Variants in LIPC observed in about 807,000 individuals in gnomAD.
The protein encoded by LIPC is hepatic triacylglycerol lipase.
A neutral mutation model predicts 50.7 loss-of-function variants in LIPC; 44 were observed. The ratio of observed to expected loss-of-function variants is 0.87; its 90% CI spans 0.68 to 1.11. The LOEUF (loss-of-function observed/expected upper bound fraction) is 1.11. Among genes scored for constraint, LIPC ranks in the 50% most tolerant of loss-of-function variants. The pLI is 0.00. For missense variants in LIPC, 697 were observed against 648.2 expected (o/e 1.08, Z -0.82); for synonymous variants, 271 against 256.4 (o/e 1.06, Z -0.54).
At position 58,563,485 on chromosome 15, in the gene LIPC, A is replaced by G; in HGVS notation, c.1170-20A>G. 1 of 1,595,344 alleles carries G rather than the reference A, an allele frequency of 6.3e-7. No homozygotes were observed. The highest frequency in any genetic ancestry group is 1.3e-5 in the African/African-American group (1 of 74,628). On this transcript the variant is annotated intron_variant, in intron 7 of 8. Transcript: ENST00000299022. ...GTTACGACTAAACTGATTGTGTCTGATTTTCTTTGTGTATTCAAGGGGCAA... is the reference window on the plus strand; with the variant it reads ...GTTACGACTAAACTGATTGTGTCTGGTTTTCTTTGTGTATTCAAGGGGCAA...
intron 7 of LIPC, 30 bp from the exon 8 acceptor site, chr15:58,563,474 GA>G: frequency 3.8e-6 from 6 of 1,561,758 alleles, no homozygotes; most frequent in Non-Finnish European, 5.3e-6. Flanking sequence ...CGACTAAACT[GA>G]TTGTGTCTGA....
At chr15:58,553,383 C>T (rs1476704148) in intron 6 of LIPC, among the ~76,000 whole-genome samples, 1 of 152,172 alleles carries the variant, frequency 6.6e-6, no homozygotes, top group Non-Finnish European at 1.5e-5. Flanking sequence ...ATCTCTTGAG[C>T]CCAGGCGTTC....
At chr15:58,497,640 G>C (rs1413945484) in intron 1 of LIPC, 1 of 152,346 alleles carries the variant, frequency 6.6e-6, no homozygotes, top group Non-Finnish European at 1.5e-5. Context: ...AAGCCCTCTG[G>C]ATACCTCCCA....
chr15:58,563,832 C>A lies in LIPC; in HGVS notation c.1388+109C>A, dbSNP rs1894261775. ...TCATGTGAGGTGAGTATTATTAGGC[C>A]CTAGTGATGGAGTACAGAAGCTCAG... On this transcript the variant is annotated intron_variant, in intron 8 of 8. Coordinates refer to ENST00000299022, the MANE Select transcript of LIPC (RefSeq NM_000236.3). The A allele has an allele frequency of 5.3e-6, 5 of 936,506 alleles. No homozygotes were observed. The East Asian group carries it at 1.3e-4, about 24-fold the overall frequency. 58.0% of individuals were successfully genotyped at this position (936,506 alleles called of 1,614,324 possible). A position where few individuals can be genotyped will look rare whatever the true frequency, so the allele number is the denominator to read the frequency against.
intron 1 of LIPC, among the ~76,000 whole-genome samples, chr15:58,487,431 G>C (rs1891417252): frequency 1.3e-5 from 2 of 152,338 alleles, no homozygotes; most frequent in Middle Eastern, 3.4e-3. Flanking sequence ...GGTGGTAATA[G>C]CACTGCTTTT....
At chr15:58,507,207 T>C (rs1308573865) in intron 1 of LIPC, among the ~76,000 whole-genome samples, 4 of 152,130 alleles carry the variant, frequency 2.6e-5, no homozygotes, top group African/African-American at 9.7e-5. Context: ...AAAATTGGTT[T>C]TCACAATAGC....
intron 1 of LIPC, among the ~76,000 whole-genome samples, chr15:58,443,496 A>AT (rs1418410592): frequency 3.3e-5 from 5 of 152,352 alleles, no homozygotes; most frequent in African/African-American, 1.2e-4. Flanking sequence ...AAGCTTAAAA[A>AT]TTCTGGGCTA....
intron 1 of LIPC, among the ~76,000 whole-genome samples, chr15:58,528,064 C>T (rs900568899): frequency 4.0e-5 from 6 of 150,546 alleles, no homozygotes; most frequent in South Asian, 2.1e-4. Flanking sequence ...CGCTTGAACT[C>T]GAGAGGCAGA....
intron 1 of LIPC, among the ~76,000 whole-genome samples, chr15:58,465,227 T>C (rs35633916): frequency 0.11 from 17,450 of 152,142 alleles, 1,228 homozygotes; most frequent in Non-Finnish European, 0.17. Flanking sequence ...TCAGAACAAC[T>C]CATTTCCCCC....
intron 1 of LIPC, chr15:58,435,795 C>G (rs150102218): frequency 6.6e-6 from 1 of 152,234 alleles, no homozygotes; most frequent in Non-Finnish European, 1.5e-5. Context: ...CCTGTAATCC[C>G]AGCTACTTGG....
intron 1 of LIPC, among the ~76,000 whole-genome samples, chr15:58,500,062 G>A (rs958242156): frequency 2.6e-5 from 4 of 152,128 alleles, no homozygotes; most frequent in Non-Finnish European, 5.9e-5. Context: ...CAGAGACAGG[G>A]CACGGGGCAG....
At chr15:58,471,130 T>TTC (rs1323804773) in intron 1 of LIPC, among the ~76,000 whole-genome samples, 1 of 148,960 alleles carries the variant, frequency 6.7e-6, no homozygotes, top group African/African-American at 2.5e-5. Flanking sequence ...TTTTTTTCTT[T>TTC]TCTCTTTTTT....
intron 1 of LIPC, among the ~76,000 whole-genome samples, chr15:58,467,701 T>C (rs1275338546): frequency 6.6e-6 from 1 of 152,226 alleles, no homozygotes. Flanking sequence ...CTTGATGTTC[T>C]ATGTTTTATT....
At chr15:58,452,405 G>T (rs1271817898) in intron 1 of LIPC, among the ~76,000 whole-genome samples, 1 of 152,196 alleles carries the variant, frequency 6.6e-6, no homozygotes, top group Non-Finnish European at 1.5e-5. Context: ...CTTATGTTCA[G>T]GGTTTATTGA....
chr15:58,568,510 C>A (rs914119223), intron 8 of LIPC, among the ~76,000 whole-genome samples: 7 of 152,092 alleles, frequency 4.6e-5, no homozygotes, highest in South Asian at 4.1e-4. Flanking sequence ...GTGTAGAACT[C>A]CAGGAAGTCT....
intron 6 of LIPC, among the ~76,000 whole-genome samples, chr15:58,550,752 G>A (rs1399624711): frequency 6.6e-6 from 1 of 150,680 alleles, no homozygotes; most frequent in Non-Finnish European, 1.5e-5. Flanking sequence ...GTCAGGAACC[G>A]AAAGCCCCAG....
At chr15:58,549,676 T>C (rs1240577935) in intron 6 of LIPC, among the ~76,000 whole-genome samples, 1 of 152,314 alleles carries the variant, frequency 6.6e-6, no homozygotes, top group East Asian at 1.9e-4. Context: ...GTATCGGAAC[T>C]TTTGCTCTCC....
chr15:58,435,401 G>A (rs1344755802), intron 1 of LIPC: 4 of 151,798 alleles, frequency 2.6e-5, no homozygotes, highest in African/African-American at 7.2e-5. Context: ...AAACCACTGC[G>A]CTTGTGCAGT....
chr15:58,567,229 A>G (rs1434254787), intron 8 of LIPC, among the ~76,000 whole-genome samples: 2 of 141,200 alleles, frequency 1.4e-5, no homozygotes, highest in South Asian at 2.2e-4. Context: ...ATATATATAT[A>G]TGTATATATG....
Sources: allele counts gnomAD v4.1 joint callset (sites outside exome capture counted in the v4.1 genomes callset), GRCh38; gene constraint gnomAD v4.1.1; transcripts MANE v1.5; gene names NCBI Gene and HGNC (gene_info 2026-07-23, HGNC 2026-07-21).